The following ACSM3 variants were observed in gnomAD, a reference collection of about 807,000 sequenced individuals.
ACSM3 encodes acyl-CoA synthetase medium chain family member 3, also known as acyl-coenzyme A synthetase ACSM3, mitochondrial.
In ACSM3, 61 loss-of-function variants were observed where a neutral mutation model predicts 74.1. That is an observed-to-expected ratio of 0.82 (90% CI 0.67 to 1.02). ACSM3 has a LOEUF of 1.02. Ranked by LOEUF, ACSM3 falls within the 50% of genes least tolerant of loss-of-function variation. The pLI, the probability that ACSM3 is intolerant of heterozygous loss-of-function variation, is 0.00. For missense variants in ACSM3, 660 were observed against 697.0 expected, an observed-to-expected ratio of 0.95 and a Z score of 0.60; for synonymous variants, 213 against 241.5, an observed-to-expected ratio of 0.88 and a Z score of 1.09.
intron 1 of ACSM3, among the ~76,000 whole-genome samples, chr16:20,706,488 A>C: frequency 6.6e-6 from 1 of 152,196 alleles, no homozygotes; most frequent in Non-Finnish European, 1.5e-5. Flanking sequence ...CAAGGGCAAA[A>C]GTGCCTTTGT....
In ACSM3 at chr16:20,797,555, A is replaced by T. The variant is rs2080744361; in HGVS notation, c.*583A>T. 2 of 1,239,798 alleles carry T rather than the reference A, an allele frequency of 1.6e-6. No individual in the cohort carries two copies. The highest frequency in any genetic ancestry group is 3.2e-5 in the East Asian group (1 of 31,614). 76.8% of individuals were successfully genotyped at this position (1,239,798 alleles called of 1,614,324 possible). The stretch of plus-strand genomic sequence containing the variant: ...TATACTATTGTTGCTTATTATATGT[A>T]ATCTAATAAATACTGTTTACAAAAG... On this transcript the variant is annotated 3_prime_UTR_variant, in exon 14 of 14. Coordinates refer to ENST00000289416, the MANE Select transcript of ACSM3 (RefSeq NM_005622.4).
chr16:20,746,711 G>A (rs1456680884), intron 1 of ACSM3, among the ~76,000 whole-genome samples: 1 of 152,186 alleles, frequency 6.6e-6, no homozygotes, highest in Non-Finnish European at 1.5e-5. Context: ...TTAAACCAAT[G>A]TGAACTTGAG....
chr16:20,730,234 A>C lies in ACSM3; in HGVS notation c.-189-19676A>C, dbSNP rs115237778. Reference sequence around the variant, plus strand: ...AAGGGGGAACAGATACTGCATAAGCATATGCAGATTTCACTGAATAGGCAG... The same window carrying C: ...AAGGGGGAACAGATACTGCATAAGCCTATGCAGATTTCACTGAATAGGCAG... On this transcript the variant is annotated intron_variant, in intron 1 of 3. Coordinates refer to the ACSM3 transcript ENST00000561584. 8.6e-3 allele frequency among the ~76,000 whole-genome samples: 1,305 copies of C among 152,298 alleles called. 23 individuals carry two copies. The highest frequency in any genetic ancestry group is 0.029 in the African/African-American group (1,216 of 41,564).
chr16:20,695,120 A>G (rs1252323218), intron 1 of ACSM3, among the ~76,000 whole-genome samples: 1 of 150,968 alleles, frequency 6.6e-6, no homozygotes, highest in Non-Finnish European at 1.5e-5. Context: ...ATTCTAATTT[A>G]ATCTTCGTCA....
At chr16:20,741,480 G>GGGGGGGGGC in intron 1 of ACSM3, 5 of 1,340,414 alleles carry the variant, frequency 3.7e-6, no homozygotes, top group East Asian at 3.0e-5. Context: ...CCTGGCAGCC[G>GGGGGGGGGC]GCCCGCCCGC....
intron 1 of ACSM3, among the ~76,000 whole-genome samples, chr16:20,717,187 G>C (rs1293890876): frequency 6.6e-6 from 1 of 152,272 alleles, no homozygotes; most frequent in Admixed American, 6.5e-5. Context: ...AAACAGGATG[G>C]GGCAAGGGAA....
At chr16:20,779,425 CAAA>C (rs3050137) in intron 4 of ACSM3, among the ~76,000 whole-genome samples, 12 of 131,936 alleles carry the variant, frequency 9.1e-5, no homozygotes, top group Non-Finnish European at 9.5e-5. Flanking sequence ...AACCCTGTCT[CAAA>C]AAAAAAAAAA....
At chr16:20,738,981 C>T (rs778451641) in intron 1 of ACSM3, 1 of 1,614,086 alleles carries the variant, frequency 6.2e-7, no homozygotes, top group Non-Finnish European at 8.5e-7. Context: ...TCTGTAGATG[C>T]CTTAATGTCA....
At chr16:20,712,649 T>C (rs531026808) in intron 1 of ACSM3, among the ~76,000 whole-genome samples, 1 of 151,740 alleles carries the variant, frequency 6.6e-6, no homozygotes, top group Non-Finnish European at 1.5e-5. Flanking sequence ...CTCACACCTG[T>C]AATCCCAGCA....
chr16:20,760,425 T>A (rs1306189733), upstream of ACSM3, among the ~76,000 whole-genome samples: 3 of 152,160 alleles, frequency 2.0e-5, no homozygotes, highest in Admixed American at 2.0e-4. Context: ...TTTCCTACTT[T>A]TAAACATCTT....
In ACSM3 at chr16:20,785,001, T is replaced by C; in HGVS notation, c.1037T>C (p.Leu346Ser). The change falls in exon 8 of 14, where the codon TTA becomes TCA. Residue 346 changes from leucine (L) to serine (S), a missense_variant. Coordinates refer to ENST00000289416, the MANE Select transcript of ACSM3 (RefSeq NM_005622.4). ...CTGAGAAGCTATAAGTTTAAAAGCTTAAAGCACTGTGTGAGTGCTGGGGAA... is the reference window on the plus strand; with the variant it reads ...CTGAGAAGCTATAAGTTTAAAAGCTCAAAGCACTGTGTGAGTGCTGGGGAA... ...NDITSYKFKS[L>S]KHCVSAGEPI... is the part of the protein sequence containing the mutation. 6.2e-7 allele frequency: 1 copy of C among 1,613,420 alleles called. No homozygotes were observed.
At position 20,781,480 on chromosome 16, in the gene ACSM3, C is replaced by T. The variant is rs367980934; in HGVS notation, c.940-228C>T. On this transcript the variant is annotated intron_variant, in intron 6 of 13. Transcript: ENST00000289416. Reference sequence around the variant, plus strand: ...TAATCTAGAGATGATTTAAAGTATACGGGAGGATATGCATAGGTTATATGC... The same window carrying T: ...TAATCTAGAGATGATTTAAAGTATATGGGAGGATATGCATAGGTTATATGC... Among the ~76,000 whole-genome samples the T allele has an allele frequency of 9.7e-4, 147 of 152,148 alleles. 4 individuals carry two copies. The South Asian group carries it at 0.028, about 29-fold the overall frequency.
At chr16:20,780,058 C>G (rs1392542789) in intron 4 of ACSM3, 1 of 155,592 alleles carries the variant, frequency 6.4e-6, no homozygotes, top group Non-Finnish European at 1.4e-5. Flanking sequence ...AGCCACCATG[C>G]CCAGCCTCAG....
chr16:20,717,788 C>G (rs1477199786), intron 1 of ACSM3, among the ~76,000 whole-genome samples: 1 of 147,046 alleles, frequency 6.8e-6, no homozygotes, highest in African/African-American at 2.5e-5. Context: ...TTTATTTAGG[C>G]TATAGGGAGA....
At chr16:20,695,238 C>T (rs1418509651) in intron 1 of ACSM3, among the ~76,000 whole-genome samples, 1 of 152,118 alleles carries the variant, frequency 6.6e-6, no homozygotes, top group Non-Finnish European at 1.5e-5. Flanking sequence ...CTTTCATTTC[C>T]CACCCACATA....
chr16:20,674,827 G>A (rs2020168335), intron 1 of ACSM3: 1 of 152,376 alleles, frequency 6.6e-6, no homozygotes, highest in Non-Finnish European at 1.5e-5. Flanking sequence ...ACCGCGGTAA[G>A]GAGAAAGGGC....
In ACSM3 at chr16:20,770,150, AT is replaced by A; in HGVS notation, c.119del (p.Phe40SerfsTer7). On this transcript the variant is annotated frameshift_variant, in exon 2 of 14. Transcript: ENST00000289416. LOFTEE classifies it high-confidence loss of function. ...GATAATAGAACAGCAACCCCTCAGA[AT>A]TTCTCCAACTATGAATCCATGAAAC... ...HKDNRTATPQ[N>X]FSNYESMKQD... The A allele has an allele frequency of 6.2e-7, 1 of 1,614,140 alleles. No homozygotes were observed. The highest frequency in any genetic ancestry group is 2.2e-5 in the East Asian group (1 of 44,888).
chr16:20,792,397 C>G (rs1264437861), intron 12 of ACSM3, 62 bp downstream of exon 12: 1 of 1,594,246 alleles, frequency 6.3e-7, no homozygotes, highest in Non-Finnish European at 8.6e-7. Flanking sequence ...TACTTACAAA[C>G]AGTAGCTCAG....
chr16:20,794,386 G>C (rs2080673799), intron 12 of ACSM3, among the ~76,000 whole-genome samples: 2 of 152,192 alleles, frequency 1.3e-5, no homozygotes, highest in Admixed American at 6.5e-5. Context: ...CTTATGCAGT[G>C]ATGGAAATGT....
Sources: gnomAD v4.1 joint callset for allele counts (sites outside exome capture counted in the v4.1 genomes callset) on GRCh38, gnomAD v4.1.1 for gene constraint, MANE v1.5 for transcripts, NCBI Gene and HGNC (gene_info 2026-07-23, HGNC 2026-07-21) for gene names.